CHN2: variants seen among roughly 807,000 people sequenced by gnomAD.
CHN2 encodes chimerin 2, also known as beta-chimaerin.
Under a neutral mutation model 56.3 loss-of-function variants are expected in CHN2, and 35 were observed. That is an observed-to-expected ratio of 0.62 (90% CI 0.47 to 0.82). The LOEUF is 0.82. Ranked by LOEUF, CHN2 falls within the 40% of genes least tolerant of loss-of-function variation. CHN2 has a pLI of 0.00. For missense variants in CHN2, 491 were observed against 580.5 expected, an observed-to-expected ratio of 0.85 and a Z score of 1.58; for synonymous variants, 210 against 212.8, an observed-to-expected ratio of 0.99 and a Z score of 0.12.
exon 1 of CHN2, chr7:29,146,592 G>C (rs1460188389): frequency 1.3e-6 from 2 of 1,550,192 alleles, no homozygotes; most frequent in Admixed American, 2.0e-5. Context: ...ACATGACCCA[G>C]ACCCACAGGG....
chr7:29,447,682 A>T (rs1252929502), intron 6 of CHN2, among the ~76,000 whole-genome samples: 1 of 152,196 alleles, frequency 6.6e-6, no homozygotes, highest in African/African-American at 2.4e-5. Context: ...AAAGGAGCAC[A>T]AGGACAGTTT....
intron 1 of CHN2, among the ~76,000 whole-genome samples, chr7:29,324,469 T>G (rs1795641856): frequency 6.6e-6 from 1 of 152,176 alleles, no homozygotes; most frequent in African/African-American, 2.4e-5. Context: ...TTGGGTTAGT[T>G]CAGCTGTTAC....
chr7:29,288,157 G>C (rs1006423674), intron 1 of CHN2, among the ~76,000 whole-genome samples: 1 of 152,134 alleles, frequency 6.6e-6, no homozygotes, highest in African/African-American at 2.4e-5. Context: ...GTTGGCTGGA[G>C]CTGTGTGTGG....
At chr7:29,325,177 G>A (rs191795738) in intron 1 of CHN2, among the ~76,000 whole-genome samples, 28 of 152,166 alleles carry the variant, frequency 1.8e-4, no homozygotes, top group Non-Finnish European at 2.5e-4. Context: ...AAAATTGTAG[G>A]CATTTGCCTA....
rs531737057 is a variant in CHN2 at position 29,172,933 on chromosome 7, C to A, written c.274+25973C>A. The stretch of plus-strand genomic sequence containing the variant: ...ATCACCTGAGGTTAGGAGTTTGAGA[C>A]CAGCGTGGCCAGTATGGCAAAAACC... On this transcript the variant is annotated intron_variant, in intron 2 of 6. Transcript: ENST00000439384. Among the ~76,000 whole-genome samples the A allele has an allele frequency of 2.0e-5, 3 of 152,022 alleles. No homozygotes were observed. In the East Asian group the frequency reaches 5.8e-4, roughly 29 times the overall value.
intron 1 of CHN2, among the ~76,000 whole-genome samples, chr7:29,251,300 A>G (rs1290345673): frequency 4.6e-5 from 7 of 152,046 alleles, no homozygotes; most frequent in Non-Finnish European, 1.0e-4. Flanking sequence ...AAGAAAATAC[A>G]AAAGTTAGCT....
At chr7:29,476,289 C>A (rs2128535702) in intron 6 of CHN2, among the ~76,000 whole-genome samples, 1 of 152,142 alleles carries the variant, frequency 6.6e-6, no homozygotes, top group South Asian at 2.1e-4. Context: ...GTAATCCTAG[C>A]ACTTTGGGAG....
Position 29,512,975 on chromosome 7 carries a change from T to C in CHN2, c.*240T>C, listed in dbSNP as rs1180434359. ...TCTTTTGCTGTGCCTCCTATGTATGTCTGGTTTGCTGGAAGAGTGATTAAT... is the reference window on the plus strand; with the variant it reads ...TCTTTTGCTGTGCCTCCTATGTATGCCTGGTTTGCTGGAAGAGTGATTAAT... On this transcript the variant is annotated 3_prime_UTR_variant, in exon 13 of 13. Coordinates refer to ENST00000222792, the MANE Select transcript of CHN2 (RefSeq NM_004067.4). 2.5e-6 allele frequency: 1 copy of C among 407,824 alleles called. No homozygotes were observed. The highest frequency in any genetic ancestry group is 4.3e-6 in the Non-Finnish European group (1 of 230,274). 25.3% of individuals were successfully genotyped at this position (407,824 alleles called of 1,614,324 possible). A position where few individuals can be genotyped will look rare whatever the true frequency, so the allele number is the denominator to read the frequency against.
chr7:29,379,072 G>GT lies in CHN2; in HGVS notation c.144+11086dup, dbSNP rs371805672. Among the ~76,000 whole-genome samples, 500 of 152,318 alleles carry GT rather than the reference G, an allele frequency of 3.3e-3. 3 individuals are homozygous for GT. The highest frequency in any genetic ancestry group is 0.011 in the African/African-American group (466 of 41,566). ...GTCTTTAATTTCTACCATCTCCCAA[G>GT]TACTACATAAATGTTAGTGGAAAAA... On this transcript the variant is annotated intron_variant, in intron 3 of 12. Transcript: ENST00000222792.
intron 6 of CHN2, among the ~76,000 whole-genome samples, chr7:29,446,207 A>C (rs1435438395): frequency 6.6e-6 from 1 of 152,212 alleles, no homozygotes; most frequent in Non-Finnish European, 1.5e-5. Flanking sequence ...AGGTGCACCA[A>C]AATCTCAGAA....
intron 1 of CHN2, among the ~76,000 whole-genome samples, chr7:29,267,765 C>T (rs1461873515): frequency 3.3e-5 from 5 of 152,194 alleles, no homozygotes; most frequent in African/African-American, 1.2e-4. Flanking sequence ...GGCCATTCTT[C>T]AAGACAGAGT....
intron 1 of CHN2, among the ~76,000 whole-genome samples, chr7:29,269,942 C>T (rs954778871): frequency 6.6e-6 from 1 of 152,198 alleles, no homozygotes; most frequent in Non-Finnish European, 1.5e-5. Context: ...GTCCTATCTA[C>T]CTACCTGCTT....
Position 29,221,938 on chromosome 7 carries a change from T to C in CHN2, c.49+26948T>C, listed in dbSNP as rs555558625. 2.6e-5 allele frequency among the ~76,000 whole-genome samples: 4 copies of C among 152,340 alleles called. No homozygotes were observed. The East Asian group carries it at 7.7e-4, about 29-fold the overall frequency. On this transcript the variant is annotated intron_variant, in intron 1 of 12. Transcript: ENST00000222792. ...AGTGAACATACGCATGCATGTATCT[T>C]TATCATAGAATGATTTATATTCTTT... is the stretch of plus-strand genomic sequence containing the variant.
At chr7:29,266,187 C>A (rs576452912) in intron 1 of CHN2, among the ~76,000 whole-genome samples, 3 of 152,188 alleles carry the variant, frequency 2.0e-5, no homozygotes, top group Non-Finnish European at 4.4e-5. Flanking sequence ...GAAACTGGAA[C>A]ACCATTGGGC....
chr7:29,322,762 A>G (rs928918101), intron 1 of CHN2, among the ~76,000 whole-genome samples: 1 of 152,206 alleles, frequency 6.6e-6, no homozygotes, highest in African/African-American at 2.4e-5. Context: ...GCCTAGAGTT[A>G]GAGGATAGAC....
chr7:29,253,376 T>C (rs925428114), intron 1 of CHN2, among the ~76,000 whole-genome samples: 1 of 152,166 alleles, frequency 6.6e-6, no homozygotes, highest in South Asian at 2.1e-4. Flanking sequence ...AAAGCAAAAC[T>C]TTTCCAGAAA....
intron 1 of CHN2, among the ~76,000 whole-genome samples, chr7:29,314,719 G>A (rs1794837558): frequency 6.6e-6 from 1 of 152,262 alleles, no homozygotes; most frequent in South Asian, 2.1e-4. Flanking sequence ...GATGAACTGA[G>A]GAGGATAGGT....
In CHN2 at chr7:29,400,185, A is replaced by G. The variant is rs184658724; in HGVS notation, c.291-358A>G. The G allele has an allele frequency of 3.1e-4, 80 of 260,512 alleles. No homozygotes were observed. The Admixed American group carries it at 4.0e-3, about 13-fold the overall frequency. The allele number at this position is 260,512 out of a possible 1,614,324, so 16.1% of individuals were successfully genotyped here. A position where few individuals can be genotyped will look rare whatever the true frequency, so the allele number is the denominator to read the frequency against. On this transcript the variant is annotated intron_variant, in intron 5 of 12. Transcript: ENST00000222792. ...GTAACATAGTTGTAAATCAGGCATTACCCTCTGACCCTTACAAATGAGAAG... is the reference window on the plus strand; with the variant it reads ...GTAACATAGTTGTAAATCAGGCATTGCCCTCTGACCCTTACAAATGAGAAG...
chr7:29,258,762 A>T (rs1789283868), intron 1 of CHN2, among the ~76,000 whole-genome samples: 1 of 152,268 alleles, frequency 6.6e-6, no homozygotes, highest in Non-Finnish European at 1.5e-5. Flanking sequence ...AAGAGAAATC[A>T]GAACTTTATT....
Sources: gnomAD v4.1 joint callset for allele counts (sites outside exome capture counted in the v4.1 genomes callset) on GRCh38, gnomAD v4.1.1 for gene constraint, MANE v1.5 for transcripts, NCBI Gene and HGNC (gene_info 2026-07-23, HGNC 2026-07-21) for gene names.